ADGRL2: variants seen among roughly 807,000 people sequenced by gnomAD.
The protein encoded by ADGRL2 is adhesion G protein-coupled receptor L2, also known as calcium-independent alpha-latrotoxin receptor 2.
ADGRL2 carries 44 observed loss-of-function variants against 157.4 expected under a neutral mutation model. That is an observed-to-expected ratio of 0.28 (90% CI 0.22 to 0.36). The LOEUF (loss-of-function observed/expected upper bound fraction) is 0.36, where lower values mean the gene tolerates loss of function less well. ADGRL2 is among the 10% of genes least tolerant of loss of function. The pLI, the probability that ADGRL2 is intolerant of heterozygous loss-of-function variation, is 1.00. For synonymous variants in ADGRL2, 585 were observed against 624.7 expected (o/e 0.94, Z 0.95); for missense variants, 1,510 against 1,768.9 (o/e 0.85, Z 2.63).
intron 2 of ADGRL2, among the ~76,000 whole-genome samples, chr1:81,858,289 G>A (rs1040996463): frequency 2.0e-5 from 3 of 152,038 alleles, no homozygotes; most frequent in Non-Finnish European, 4.4e-5. Flanking sequence ...TAACACATAG[G>A]ACACAGAATT....
intron 2 of ADGRL2, among the ~76,000 whole-genome samples, chr1:81,541,436 G>A (rs1012361170): frequency 6.6e-6 from 1 of 152,134 alleles, no homozygotes; most frequent in African/African-American, 2.4e-5. Context: ...ACCAGTGTAT[G>A]ATAAGATCTC....
intron 1 of ADGRL2, among the ~76,000 whole-genome samples, chr1:81,339,962 G>C (rs1661948797): frequency 6.6e-6 from 1 of 152,112 alleles, no homozygotes; most frequent in South Asian, 2.1e-4. Context: ...TTACAATTAT[G>C]TTTACCTGTA....
chr1:81,582,024 C>G (rs1391460789), intron 3 of ADGRL2, among the ~76,000 whole-genome samples: 1 of 151,936 alleles, frequency 6.6e-6, no homozygotes, highest in Non-Finnish European at 1.5e-5. Flanking sequence ...GGTTTGAGAC[C>G]AGCCTGGCCA....
At chr1:81,880,299 G>T (rs2093952639) in intron 2 of ADGRL2, among the ~76,000 whole-genome samples, 2 of 151,942 alleles carry the variant, frequency 1.3e-5, no homozygotes, top group Non-Finnish European at 2.9e-5. Context: ...TCTTTTTAAG[G>T]GTAAAATATA....
chr1:81,903,172 A>T (rs1572021860), intron 2 of ADGRL2, among the ~76,000 whole-genome samples: 1 of 152,310 alleles, frequency 6.6e-6, no homozygotes, highest in East Asian at 1.9e-4. Flanking sequence ...ACTGACCCAT[A>T]TACTCATACT....
intron 3 of ADGRL2, among the ~76,000 whole-genome samples, chr1:81,660,916 T>G (rs2082637477): frequency 6.6e-6 from 1 of 152,192 alleles, no homozygotes; most frequent in Non-Finnish European, 1.5e-5. Context: ...AACATGTAAC[T>G]GTTAGAGGAG....
intron 2 of ADGRL2, among the ~76,000 whole-genome samples, chr1:81,772,164 C>T (rs1222719864): frequency 6.7e-6 from 1 of 150,142 alleles, no homozygotes; most frequent in African/African-American, 2.4e-5. Flanking sequence ...GCAGGAGAAT[C>T]GCTTGAACCC....
At chr1:81,861,267 C>A (rs1273406982) in intron 2 of ADGRL2, among the ~76,000 whole-genome samples, 2 of 152,078 alleles carry the variant, frequency 1.3e-5, no homozygotes, top group East Asian at 3.9e-4. Context: ...ATGATCCACC[C>A]ACCTTGGCTT....
chr1:81,560,582 G>T (rs1291956546), intron 2 of ADGRL2, among the ~76,000 whole-genome samples: 2 of 152,112 alleles, frequency 1.3e-5, no homozygotes, highest in Non-Finnish European at 2.9e-5. Flanking sequence ...CTGTTGAATA[G>T]AACTGATGAG....
intron 1 of ADGRL2, among the ~76,000 whole-genome samples, chr1:81,321,561 G>A (rs1440375390): frequency 6.6e-6 from 1 of 152,144 alleles, no homozygotes; most frequent in Non-Finnish European, 1.5e-5. Context: ...TAGAAAATAA[G>A]GAGGCCTGGT....
chr1:81,522,041 T>G (rs2079331651), intron 2 of ADGRL2, among the ~76,000 whole-genome samples: 1 of 151,370 alleles, frequency 6.6e-6, no homozygotes, highest in Non-Finnish European at 1.5e-5. Context: ...CTCGGCTCAC[T>G]GCAGCCTCTG....
Position 81,986,942 on chromosome 1 carries a change from C to A in ADGRL2, c.3550C>A (p.Pro1184Thr), listed in dbSNP as rs752216664. ...NYLLTNPLLR[P>T]HGTNNPYNTL... ...CCTACTAACAAACCCTCTTCTTCGA[C>A]CCCACGGCACTAACAACCCCTATAA... is the stretch of plus-strand genomic sequence containing the variant. The change falls in exon 22 of 24, where the codon CCC becomes ACC. Residue 1184 changes from proline to threonine, a missense_variant. Around this residue, in one of 4 missense-constraint regions of ADGRL2, gnomAD observed 497 missense variants for 627.2 expected, o/e 0.79. Coordinates refer to ENST00000686636, the MANE Select transcript of ADGRL2 (RefSeq NM_001366006.2). 1 of 1,611,298 alleles carries A rather than the reference C, an allele frequency of 6.2e-7. No individual in the cohort carries two copies. The highest frequency in any genetic ancestry group is 1.1e-5 in the South Asian group (1 of 91,044).
At position 81,943,157 on chromosome 1, in the gene ADGRL2, C is replaced by A; in HGVS notation, c.598C>A (p.Arg200Ser). The A allele has an allele frequency of 1.2e-6, 2 of 1,613,466 alleles. No individual in the cohort carries two copies. Among genetic ancestry groups the A allele is most frequent in the South Asian group, 1.1e-5 (1 of 91,062 alleles). ...TTCTTTAGAAGATTTCCAAAATAGTCGCCAAACAACAACATATAAACTTCC... is the reference window on the plus strand; with the variant it reads ...TTCTTTAGAAGATTTCCAAAATAGTAGCCAAACAACAACATATAAACTTCC... ...YASLEDFQNS[R>S]QTTTYKLPNR... The change falls in exon 6 of 24, where the codon CGC becomes AGC. Residue 200 changes from arginine to serine, a missense_variant. Coordinates refer to ENST00000686636, the MANE Select transcript of ADGRL2 (RefSeq NM_001366006.2). The surrounding 1 kb of genome is among the most constrained non-coding windows in gnomAD (Gnocchi z 5.6).
intron 2 of ADGRL2, among the ~76,000 whole-genome samples, chr1:81,473,909 G>A (rs2078222450): frequency 3.3e-5 from 5 of 152,196 alleles, no homozygotes; most frequent in Admixed American, 3.3e-4. Context: ...AACACTCTTG[G>A]GAGGCTCTTT....
chr1:81,341,535 A>G lies in ADGRL2; in HGVS notation c.-302+35026A>G, dbSNP rs902572750. ...AAGCACTTAAGAATGTTTTTCTTCAAACATCAGATTTCTCAACCTAGTAAG... is the reference window on the plus strand; with the variant it reads ...AAGCACTTAAGAATGTTTTTCTTCAGACATCAGATTTCTCAACCTAGTAAG... On this transcript the variant is annotated intron_variant, in intron 1 of 24. Coordinates refer to the ADGRL2 transcript ENST00000370721. Among the ~76,000 whole-genome samples, 114 of 152,272 alleles carry G rather than the reference A, an allele frequency of 7.5e-4. 1 individual carries two copies. Among genetic ancestry groups the G allele is most frequent in the African/African-American group, 2.6e-3 (107 of 41,568 alleles).
intron 1 of ADGRL2, among the ~76,000 whole-genome samples, chr1:81,370,310 T>C (rs955765243): frequency 1.3e-5 from 2 of 152,180 alleles, no homozygotes; most frequent in Non-Finnish European, 2.9e-5. Context: ...TAAAACTTTA[T>C]GAAATTCAAA....
Position 81,334,266 on chromosome 1 carries a change from G to A in ADGRL2, c.-302+27757G>A, listed in dbSNP as rs557854405. Among the ~76,000 whole-genome samples the A allele has an allele frequency of 4.6e-5, 7 of 152,160 alleles. 1 individual carries two copies. The highest frequency in any genetic ancestry group is 2.1e-4 in the South Asian group (1 of 4,810). The stretch of plus-strand genomic sequence containing the variant: ...ATCTTGGTTCCTCTTCTATAAAAAC[G>A]ATACTTACATCTTGGCCATCATGTG... On this transcript the variant is annotated intron_variant, in intron 1 of 24. Transcript: ENST00000370721.
chr1:81,606,529 C>T (rs2081435736), intron 3 of ADGRL2, among the ~76,000 whole-genome samples: 2 of 151,706 alleles, frequency 1.3e-5, no homozygotes, highest in Non-Finnish European at 2.9e-5. Flanking sequence ...ACTCACACTA[C>T]ACTTTAGTTT....
intron 5 of ADGRL2, 121 bp from the exon 6 acceptor site, chr1:81,942,848 T>G: frequency 2.6e-6 from 2 of 768,462 alleles, no homozygotes; most frequent in African/African-American, 1.7e-5. Flanking sequence ...AAGTATACAT[T>G]TTGGTAAAAT....
Sources: gnomAD v4.1 joint callset for allele counts (sites outside exome capture counted in the v4.1 genomes callset) on GRCh38, gnomAD v4.1.1 for gene constraint, gnomAD v4.1.1 regional missense constraint, Gnocchi (gnomAD v3.1) non-coding constraint, MANE v1.5 for transcripts, NCBI Gene and HGNC (gene_info 2026-07-23, HGNC 2026-07-21) for gene names.